The following ADH1A variants were observed in gnomAD, a reference collection of about 807,000 sequenced individuals.
ADH1A encodes the protein alcohol dehydrogenase 1A (class I), alpha polypeptide.
Under a neutral mutation model 35.2 loss-of-function variants are expected in ADH1A, and 29 were observed. The ratio of observed to expected loss-of-function variants is 0.82; its 90% confidence interval spans 0.61 to 1.12. The LOEUF is 1.12. Ranked by LOEUF, ADH1A falls within the 50% of genes most tolerant of loss-of-function variation. ADH1A has a pLI of 0.00. For synonymous variants in ADH1A, 147 were observed against 164.8 expected (o/e 0.89, Z 0.83); for missense variants, 469 against 464.7 (o/e 1.01, Z -0.09).
Position 99,282,341 on chromosome 4 carries a change from C to G in ADH1A, c.828+5G>C. On this transcript the variant is annotated splice_donor_5th_base_variant and intron_variant, in intron 6 of 8. Transcript: ENST00000209668. Reference sequence around the variant, plus strand: ...AGAAATCTCAGGGCATGTCATGGTACATACCATGGTGTCAAGCCGACCGAT... The same window carrying G: ...AGAAATCTCAGGGCATGTCATGGTAGATACCATGGTGTCAAGCCGACCGAT... The G allele has an allele frequency of 1.2e-6, 2 of 1,614,184 alleles. No individual in the cohort carries two copies.
At chr4:99,281,443 C>A (rs564516851) in intron 6 of ADH1A, among the ~76,000 whole-genome samples, 1 of 152,090 alleles carries the variant, frequency 6.6e-6, no homozygotes, top group Non-Finnish European at 1.5e-5. Context: ...TATTTCATAT[C>A]AATAACGCCA....
Position 99,284,580 on chromosome 4 carries a change from C to A in ADH1A, c.386G>T (p.Ser129Ile). 1 of 1,614,190 alleles carries A rather than the reference C, an allele frequency of 6.2e-7. No homozygotes were observed. Among genetic ancestry groups the A allele is most frequent in the Non-Finnish European group, 8.5e-7 (1 of 1,180,030 alleles). ...NPQGTLQDGTSRFTCRRKPIH... is the reference protein window; with the variant it reads ...NPQGTLQDGTIRFTCRRKPIH... Reference sequence around the variant, plus strand: ...GGGCTTCCTCCTGCAGGTGAACCTGCTGGTGCCATCCTGCAGGGTCCCCTG... The same window carrying A: ...GGGCTTCCTCCTGCAGGTGAACCTGATGGTGCCATCCTGCAGGGTCCCCTG... Residue 129 changes from serine (S) to isoleucine (I), a missense_variant, in exon 5 of 9, where the codon AGC (serine) becomes ATC (isoleucine). Ser to Ile is a moderately radical substitution (Grantham distance 142, BLOSUM62 -2). Coordinates refer to ENST00000209668, the MANE Select transcript of ADH1A (RefSeq NM_000667.4).
Position 99,284,458 on chromosome 4 carries a change from C to T in ADH1A, c.508G>A (p.Val170Ile). The T allele has an allele frequency of 6.2e-7, 1 of 1,614,158 alleles. No individual in the cohort carries two copies. The highest frequency in any genetic ancestry group is 8.5e-7 in the Non-Finnish European group (1 of 1,179,984). The part of the protein sequence containing the change: ...KIDAASPLEK[V>I]CLIGCGFSTG... ...GAAAATCCACAGCCAATGAGACAGA[C>T]TTTCTCTAGAGGCGAGGCTGCATCA... Residue 170 changes from valine (V) to isoleucine (I), a missense_variant, in exon 5 of 9, where the codon GTC becomes ATC. Val to Ile is a conservative substitution (Grantham distance 29). Transcript: ENST00000209668.
intron 7 of ADH1A, 37 bp from the exon 8 acceptor site, chr4:99,279,601 G>A (rs777638238): frequency 4.4e-6 from 7 of 1,578,972 alleles, no homozygotes; most frequent in Non-Finnish European, 6.0e-6. Context: ...GATTCAACCA[G>A]GGTAAGTAGG....
rs190729129 is a variant in ADH1A, at chr4:99,279,709, A to G, written c.965-145T>C. The stretch of plus-strand genomic sequence containing the variant: ...GGTTAATAAGAGATACAGTACCTCA[A>G]TAAGCTTTTACAGGCTCAGACTTAA... On this transcript the variant is annotated intron_variant, in intron 7 of 8. Transcript: ENST00000209668. 9.1e-5 allele frequency: 91 copies of G among 1,002,158 alleles called. No individual in the cohort carries two copies. In the African/African-American group the frequency reaches 1.2e-3, roughly 14 times the overall value. The allele number at this position is 1,002,158 out of a possible 1,614,324, so 62.1% of individuals were successfully genotyped here.
chr4:99,285,915 G>T (rs1447333715), intron 3 of ADH1A, among the ~76,000 whole-genome samples: 1 of 151,600 alleles, frequency 6.6e-6, no homozygotes, highest in Non-Finnish European at 1.5e-5. Context: ...CCAGATACCC[G>T]GTAGGCTGAG....
rs1439268154 is a variant in ADH1A at position 99,276,571 on chromosome 4, A to C, written c.*53T>G. 16 of 1,506,024 alleles carry C rather than the reference A, an allele frequency of 1.1e-5. No individual in the cohort carries two copies. Among genetic ancestry groups the C allele is most frequent in the Non-Finnish European group, 1.5e-5 (16 of 1,082,424 alleles). The allele number at this position is 1,506,024 out of a possible 1,614,324, so 93.3% of individuals were successfully genotyped here. A position where few individuals can be genotyped will look rare whatever the true frequency, so the allele number is the denominator to read the frequency against. ...TATTTCCCAGCTGTTGCTCCAGATC[A>C]TGTAGGGTAGAGGAGGCTGAAGACT... On this transcript the variant is annotated 3_prime_UTR_variant, in exon 9 of 9. Transcript: ENST00000209668.
At chr4:99,279,294 G>C in intron 8 of ADH1A, 132 bp downstream of exon 8, 1 of 1,213,572 alleles carries the variant, frequency 8.2e-7, no homozygotes, top group East Asian at 2.7e-5. Context: ...AGCTCTCCAT[G>C]TAAAGACTGA....
In ADH1A at chr4:99,287,619, A is replaced by C. The variant is rs1306916612; in HGVS notation, c.65T>G (p.Phe22Cys). 2 of 1,613,946 alleles carry C rather than the reference A, an allele frequency of 1.2e-6. No individual in the cohort carries two copies. The highest frequency in any genetic ancestry group is 2.7e-5 in the African/African-American group (2 of 75,028). ...TGCAACCTCCACCTCCTCAATGGAA[A>C]AGGGTTTCTTTAACTCCCATAGCAC... is the stretch of plus-strand genomic sequence containing the variant. ...AAVLWELKKPFSIEEVEVAPP... is the reference protein window; with the variant it reads ...AAVLWELKKPCSIEEVEVAPP... Residue 22 changes from phenylalanine to cysteine, a missense_variant, in exon 2 of 9, where the codon TTT becomes TGT. Transcript: ENST00000209668.
intron 7 of ADH1A, among the ~76,000 whole-genome samples, 200 bp from the exon 8 acceptor site, chr4:99,279,764 G>T (rs1167860282): frequency 2.6e-5 from 4 of 152,116 alleles, no homozygotes; most frequent in African/African-American, 7.2e-5. Context: ...AAGGGTCCCT[G>T]GTTATTCTCT....
intron 1 of ADH1A, among the ~76,000 whole-genome samples, chr4:99,287,901 T>A (rs1315529500): frequency 2.0e-5 from 3 of 152,210 alleles, no homozygotes; most frequent in African/African-American, 7.2e-5. Flanking sequence ...ATGGAATATA[T>A]TCATTAAGGC....
In ADH1A at chr4:99,288,149, G is replaced by A. The variant is rs367877329; in HGVS notation, c.19-484C>T. 4.6e-5 allele frequency among the ~76,000 whole-genome samples: 7 copies of A among 152,274 alleles called. No individual in the cohort carries two copies. The South Asian group carries it at 1.5e-3, about 32-fold the overall frequency. On this transcript the variant is annotated intron_variant, in intron 1 of 8. Coordinates refer to ENST00000209668, the MANE Select transcript of ADH1A (RefSeq NM_000667.4). ...AGGATATATTTACCTTCCTGCCTGG[G>A]ATGACATCTCTTTCTCTCTCTTTTC...
At chr4:99,279,331 CTAATTTT>C in intron 8 of ADH1A, 88 bp downstream of exon 8, 2 of 1,456,712 alleles carry the variant, frequency 1.4e-6, no homozygotes, top group Non-Finnish European at 1.8e-6. Context: ...CCAAGGCACT[CTAATTTT>C]TCTCATCCTT....
chr4:99,286,297 C>G (rs553223288), intron 3 of ADH1A, among the ~76,000 whole-genome samples: 2 of 152,132 alleles, frequency 1.3e-5, no homozygotes, highest in Non-Finnish European at 2.9e-5. Flanking sequence ...CATTTCCTTT[C>G]ACCTAGTCTG....
In ADH1A at chr4:99,286,848, A is replaced by G. The variant is rs768754387; in HGVS notation, c.259+2T>C. ...CATGTTTCCTGAATGTGAATCCTGT[A>G]CCTGGTTTGACTGTAGTCACCCCTT... On this transcript the variant is annotated splice_donor_variant, in intron 3 of 8. Transcript: ENST00000209668. LOFTEE classifies it high-confidence loss of function. 6.2e-7 allele frequency: 1 copy of G among 1,613,584 alleles called. No homozygotes were observed. The highest frequency in any genetic ancestry group is 1.7e-5 in the Admixed American group (1 of 59,916).
chr4:99,282,513 T>G lies in ADH1A; in HGVS notation c.661A>C (p.Ile221Leu). 6.2e-7 allele frequency: 1 copy of G among 1,614,204 alleles called. No individual in the cohort carries two copies. Among genetic ancestry groups the G allele is most frequent in the Non-Finnish European group, 8.5e-7 (1 of 1,180,040 alleles). The change falls in exon 6 of 9, where the codon ATT (isoleucine) becomes CTT (leucine). Residue 221 changes from isoleucine (I) to leucine (L), a missense_variant. Coordinates refer to ENST00000209668, the MANE Select transcript of ADH1A (RefSeq NM_000667.4). ...TTGTCCTTGTTGATGTCCACCGCAA[T>G]GATTCTGGCTGCCCCAGCTGCTTTA... ...GCKAAGAARI[I>L]AVDINKDKFA...
rs545664970 is a variant in ADH1A at position 99,290,915 on chromosome 4, G to A, written c.-1C>T. The A allele has an allele frequency of 2.2e-4, 359 of 1,613,864 alleles. 1 individual carries two copies. The South Asian group carries it at 3.7e-3, about 17-fold the overall frequency. On this transcript the variant is annotated 5_prime_UTR_variant, in exon 1 of 9. Transcript: ENST00000209668. The stretch of plus-strand genomic sequence containing the variant: ...TGCTTACTTTTCCTGCTGTGCTCAT[G>A]TTGATTCTGTCTTCTCTGCAGACCA...
intron 7 of ADH1A, 30 bp downstream of exon 7, chr4:99,280,114 A>G: frequency 6.2e-7 from 1 of 1,613,532 alleles, no homozygotes. Context: ...GAGGTTAATG[A>G]GAATTTGGCT....
At position 99,286,908 on chromosome 4, in the gene ADH1A, G is replaced by A; in HGVS notation, c.201C>T (p.Gly67=). 1 of 1,614,150 alleles carries A rather than the reference G, an allele frequency of 6.2e-7. No individual in the cohort carries two copies. Among genetic ancestry groups the A allele is most frequent in the East Asian group, 2.2e-5 (1 of 44,880 alleles). ...TMVTPLPVIL[G]HEAAGIVESV... ...TCTCCACGATGCCGGCTGCCTCATG[G>A]CCTAAAATCACAGGAAGTGGGGTCA... is the stretch of plus-strand genomic sequence containing the variant. The change falls in exon 3 of 9, where the codon GGC becomes GGT. Residue 67 remains glycine, a synonymous_variant. Coordinates refer to ENST00000209668, the MANE Select transcript of ADH1A (RefSeq NM_000667.4).
Sources: allele counts gnomAD v4.1 joint callset (sites outside exome capture counted in the v4.1 genomes callset), GRCh38; gene constraint gnomAD v4.1.1; transcripts MANE v1.5; gene names NCBI Gene and HGNC (gene_info 2026-07-23, HGNC 2026-07-21).